Variants in RREB1 observed in about 807,000 individuals in gnomAD.
RREB1 encodes the protein ras responsive element binding protein 1.
Under a neutral mutation model 117.8 loss-of-function variants are expected in RREB1, and 27 were observed. The observed-to-expected ratio is 0.23, with a 90% CI of 0.17 to 0.32. The LOEUF (loss-of-function observed/expected upper bound fraction) is 0.32, where lower values mean the gene tolerates loss of function less well. Among genes scored for constraint, RREB1 ranks in the 10% least tolerant of loss-of-function variants. The pLI, the probability that RREB1 is intolerant of heterozygous loss-of-function variation, is 1.00. For synonymous variants in RREB1, 1,298 were observed against 1,026.7 expected (o/e 1.26, Z -5.05); for missense variants, 2,577 against 2,378.2 (o/e 1.08, Z -1.74).
At chr6:7,212,803 G>C (rs908653157) in intron 8 of RREB1, 2 of 152,168 alleles carry the variant, frequency 1.3e-5, no homozygotes, top group Non-Finnish European at 2.9e-5. Context: ...GCAAGCTGAA[G>C]ACTTATGTTA....
At chr6:7,234,597 A>G (rs988705252) in intron 10 of RREB1, among the ~76,000 whole-genome samples, 1 of 152,208 alleles carries the variant, frequency 6.6e-6, no homozygotes, top group African/African-American at 2.4e-5. Flanking sequence ...TGGGGTAGAT[A>G]TAAATATAAA....
chr6:7,147,017 G>GTT (rs1762897748), intron 1 of RREB1, among the ~76,000 whole-genome samples: 1 of 152,304 alleles, frequency 6.6e-6, no homozygotes, highest in African/African-American at 2.4e-5. Context: ...GTCTCCAGCT[G>GTT]TTTTTGGAGC....
chr6:7,150,681 C>A (rs990344906), intron 1 of RREB1, among the ~76,000 whole-genome samples: 2 of 152,252 alleles, frequency 1.3e-5, no homozygotes, highest in South Asian at 4.1e-4. Flanking sequence ...TAAGAAAAAC[C>A]AGGACTTCCC....
intron 1 of RREB1, among the ~76,000 whole-genome samples, chr6:7,148,063 CAGCCGATGTGCTTGCGAGTGAGTGAG>C (rs1762952441): frequency 6.6e-6 from 1 of 152,120 alleles, no homozygotes; most frequent in Admixed American, 6.5e-5. Flanking sequence ...CCAGAATATT[CAGCCGATGTGCTTGCGAGTGAGTGAG>C]AGCCAGCAGG....
intron 1 of RREB1, among the ~76,000 whole-genome samples, chr6:7,146,057 C>T (rs1762840570): frequency 6.6e-6 from 1 of 151,892 alleles, no homozygotes; most frequent in Non-Finnish European, 1.5e-5. Context: ...TCCCCACCGC[C>T]CCCCAGGACT....
chr6:7,193,998 C>G (rs12196725), intron 6 of RREB1, among the ~76,000 whole-genome samples: 13 of 152,190 alleles, frequency 8.5e-5, no homozygotes, highest in Admixed American at 2.6e-4. Context: ...CAACACAATT[C>G]TGTGCTGTTA....
chr6:7,205,748 T>A (rs924345004), intron 6 of RREB1, among the ~76,000 whole-genome samples: 1 of 152,172 alleles, frequency 6.6e-6, no homozygotes, highest in African/African-American at 2.4e-5. Context: ...TTGCACAGGG[T>A]GTACTCTTTG....
chr6:7,198,821 A>G (rs542808382), intron 6 of RREB1, among the ~76,000 whole-genome samples: 1 of 152,330 alleles, frequency 6.6e-6, no homozygotes, highest in East Asian at 1.9e-4. Flanking sequence ...GTAATATCCC[A>G]TTCCATGATC....
At position 7,226,748 on chromosome 6, in the gene RREB1, T is replaced by C; in HGVS notation, c.897+92T>C. 6 of 1,002,992 alleles carry C rather than the reference T, an allele frequency of 6.0e-6. No individual in the cohort carries two copies. In the South Asian group the frequency reaches 7.9e-5, roughly 13 times the overall value. 62.1% of individuals were successfully genotyped at this position (1,002,992 alleles called of 1,614,324 possible). On this transcript the variant is annotated intron_variant, in intron 9 of 12. Transcript: ENST00000379938. ...GAACTTCCTCTCCTCAGGGTTTCTT[T>C]CCTTAAAATGTCGGTTGGGCTTTGT...
intron 1 of RREB1, among the ~76,000 whole-genome samples, chr6:7,136,315 G>C (rs1762348192): frequency 6.6e-6 from 1 of 152,134 alleles, no homozygotes; most frequent in African/African-American, 2.4e-5. Context: ...ATATCTTAAG[G>C]ATTTTAGTTT....
intron 8 of RREB1, among the ~76,000 whole-genome samples, chr6:7,221,511 C>T (rs1767259108): frequency 6.6e-6 from 1 of 152,258 alleles, no homozygotes; most frequent in Non-Finnish European, 1.5e-5. Flanking sequence ...TTTTAACCAG[C>T]TGCACCACAT....
rs1769270599 is a variant in RREB1 at position 7,248,847 on chromosome 6, A to G, written c.5108A>G (p.Asp1703Gly). 6.2e-7 allele frequency: 1 copy of G among 1,609,428 alleles called. No individual in the cohort carries two copies. The highest frequency in any genetic ancestry group is 8.5e-7 in the Non-Finnish European group (1 of 1,178,104). ...AGWPSEPGQGDLNPESPAALG... is the reference protein window; with the variant it reads ...AGWPSEPGQGGLNPESPAALG... ...TGGCCGTCTGAGCCTGGCCAGGGTGACCTTAACCCAGAGAGCCCGGCGGCC... is the reference window on the plus strand; with the variant it reads ...TGGCCGTCTGAGCCTGGCCAGGGTGGCCTTAACCCAGAGAGCCCGGCGGCC... Residue 1703 changes from aspartate (D) to glycine (G), a missense_variant, in exon 13 of 13, where the codon GAC becomes GGC. Coordinates refer to ENST00000379938, the MANE Select transcript of RREB1 (RefSeq NM_001003699.4).
intron 5 of RREB1, among the ~76,000 whole-genome samples, 152 bp from the exon 6 acceptor site, chr6:7,189,003 ATTTT>A (rs1222646579): frequency 6.6e-6 from 1 of 152,212 alleles, no homozygotes; most frequent in East Asian, 1.9e-4. Context: ...TTCCTGATAC[ATTTT>A]ACCCCTTCAG....
chr6:7,111,437 CAG>C (rs529723796), intron 1 of RREB1, among the ~76,000 whole-genome samples: 83 of 152,250 alleles, frequency 5.5e-4, no homozygotes, highest in Admixed American at 1.5e-3. Flanking sequence ...TCTTTGGAAA[CAG>C]AAGTGAATTC....
intron 1 of RREB1, among the ~76,000 whole-genome samples, chr6:7,152,354 G>A (rs1457209380): frequency 6.6e-6 from 1 of 152,110 alleles, no homozygotes; most frequent in Non-Finnish European, 1.5e-5. Context: ...CTTCACTAAT[G>A]TTAGATCTTT....
At chr6:7,201,460 G>A (rs1456823842) in intron 6 of RREB1, among the ~76,000 whole-genome samples, 1 of 151,882 alleles carries the variant, frequency 6.6e-6, no homozygotes, top group African/African-American at 2.4e-5. Context: ...ACCTTTTTCT[G>A]ATGTGTTAAG....
chr6:7,120,284 A>T (rs752491157), intron 1 of RREB1, among the ~76,000 whole-genome samples: 2 of 151,946 alleles, frequency 1.3e-5, no homozygotes, highest in Non-Finnish European at 2.9e-5. Context: ...AAAACCCTGT[A>T]TCTACAAAAA....
chr6:7,193,953 G>GA (rs67959921), intron 6 of RREB1, among the ~76,000 whole-genome samples: 1 of 151,920 alleles, frequency 6.6e-6, no homozygotes, highest in African/African-American at 2.4e-5. Context: ...TTGCATATTA[G>GA]AAAAAAAGCA....
chr6:7,116,044 C>CAGTT (rs1761383441), intron 1 of RREB1, among the ~76,000 whole-genome samples: 1 of 152,202 alleles, frequency 6.6e-6, no homozygotes, highest in South Asian at 2.1e-4. Flanking sequence ...TTCCTGCCAC[C>CAGTT]AGTTTCTCCT....
Sources: allele counts gnomAD v4.1 joint callset (sites outside exome capture counted in the v4.1 genomes callset), GRCh38; gene constraint gnomAD v4.1.1; transcripts MANE v1.5; gene names NCBI Gene and HGNC (gene_info 2026-07-23, HGNC 2026-07-21).